Variants in EYS observed in about 807,000 individuals in gnomAD.
EYS encodes EGF-like photoreceptor maintenance factor.
A neutral mutation model predicts 282.1 loss-of-function variants in EYS; 250 were observed. That is an observed-to-expected ratio of 0.89 (90% CI 0.80 to 0.98). The LOEUF (loss-of-function observed/expected upper bound fraction) is 0.98, where lower values mean the gene tolerates loss of function less well. Ranked by LOEUF, EYS falls within the 50% of genes least tolerant of loss-of-function variation. The pLI, the probability that EYS is intolerant of heterozygous loss-of-function variation, is 0.00. For synonymous variants in EYS, 1,355 were observed against 1,282.9 expected (o/e 1.06, Z -1.20); for missense variants, 4,016 against 3,709.0 (o/e 1.08, Z -2.15).
intron 12 of EYS, among the ~76,000 whole-genome samples, chr6:65,276,037 T>C (rs1202813233): frequency 6.6e-6 from 1 of 151,828 alleles, no homozygotes; most frequent in Non-Finnish European, 1.5e-5. Context: ...TCATGGCAAA[T>C]GAAGTGATGC....
intron 12 of EYS, among the ~76,000 whole-genome samples, chr6:65,139,611 G>A (rs979838748): frequency 2.0e-5 from 3 of 151,900 alleles, no homozygotes; most frequent in Non-Finnish European, 2.9e-5. Context: ...ATACAGACCC[G>A]CTCCCACCCT....
chr6:65,236,187 G>C (rs556899948), intron 12 of EYS, among the ~76,000 whole-genome samples: 1 of 151,774 alleles, frequency 6.6e-6, no homozygotes, highest in African/African-American at 2.4e-5. Context: ...TAATATTACC[G>C]GAATTTCCAT....
At chr6:64,753,974 A>G (rs889952667) in intron 22 of EYS, among the ~76,000 whole-genome samples, 2 of 152,132 alleles carry the variant, frequency 1.3e-5, no homozygotes, top group South Asian at 4.1e-4. Context: ...TACAAATACA[A>G]GGAAATTAAA....
chr6:64,179,061 A>G (rs927125042), intron 31 of EYS, among the ~76,000 whole-genome samples: 3 of 152,078 alleles, frequency 2.0e-5, no homozygotes, highest in Non-Finnish European at 4.4e-5. Flanking sequence ...GGAACACTAT[A>G]TTGATTCATT....
intron 12 of EYS, among the ~76,000 whole-genome samples, chr6:65,091,744 G>A (rs1243459511): frequency 6.6e-6 from 1 of 152,054 alleles, no homozygotes; most frequent in Admixed American, 6.6e-5. Flanking sequence ...ACGACACAGC[G>A]GGTTTGGAGC....
chr6:65,120,795 T>C (rs999044991), intron 12 of EYS, among the ~76,000 whole-genome samples: 1 of 152,166 alleles, frequency 6.6e-6, no homozygotes, highest in African/African-American at 2.4e-5. Context: ...TCAATCCCAA[T>C]GATATAAACA....
At chr6:64,857,157 A>T (rs1766089255) in intron 19 of EYS, among the ~76,000 whole-genome samples, 1 of 152,156 alleles carries the variant, frequency 6.6e-6, no homozygotes, top group Non-Finnish European at 1.5e-5. Flanking sequence ...CAATACCATA[A>T]TAAAGTATAG....
chr6:63,868,947 C>G (rs1772734006), intron 35 of EYS, among the ~76,000 whole-genome samples: 2 of 152,172 alleles, frequency 1.3e-5, no homozygotes. Flanking sequence ...GTAAGGCACA[C>G]CACTACGTGT....
intron 19 of EYS, among the ~76,000 whole-genome samples, chr6:64,849,108 C>T (rs972312613): frequency 1.3e-5 from 2 of 151,818 alleles, no homozygotes; most frequent in African/African-American, 2.4e-5. Flanking sequence ...AATATATATA[C>T]AATTTGAATG....
At chr6:64,160,814 C>T (rs972268672) in intron 31 of EYS, among the ~76,000 whole-genome samples, 1 of 152,158 alleles carries the variant, frequency 6.6e-6, no homozygotes, top group African/African-American at 2.4e-5. Flanking sequence ...AAAGAATTCT[C>T]AGCAATGCAT....
intron 22 of EYS, among the ~76,000 whole-genome samples, chr6:64,771,952 T>C (rs1188829678): frequency 6.6e-6 from 1 of 151,788 alleles, no homozygotes; most frequent in East Asian, 1.9e-4. Flanking sequence ...GATTGTATTT[T>C]AAACATTTTT....
At chr6:64,690,304 T>C (rs1029065054) in intron 22 of EYS, among the ~76,000 whole-genome samples, 1 of 151,832 alleles carries the variant, frequency 6.6e-6, no homozygotes, top group Non-Finnish European at 1.5e-5. Context: ...GTTAGAATGG[T>C]GATCATTAAA....
chr6:65,069,744 G>A (rs1773852113), intron 12 of EYS, among the ~76,000 whole-genome samples: 1 of 151,578 alleles, frequency 6.6e-6, no homozygotes, highest in African/African-American at 2.4e-5. Context: ...TTAGATGATT[G>A]ACTCCAAGTT....
chr6:65,505,379 T>G (rs552649707), intron 2 of EYS, among the ~76,000 whole-genome samples: 4 of 152,030 alleles, frequency 2.6e-5, no homozygotes, highest in South Asian at 2.1e-4. Context: ...GTTTATTTTC[T>G]TTATTGTTTT....
intron 29 of EYS, among the ~76,000 whole-genome samples, chr6:64,365,659 T>C (rs757213412): frequency 6.6e-6 from 1 of 152,038 alleles, no homozygotes; most frequent in Non-Finnish European, 1.5e-5. Flanking sequence ...TATTGAACCT[T>C]AAACAGTATA....
intron 31 of EYS, among the ~76,000 whole-genome samples, chr6:64,146,623 A>T (rs554554364): frequency 1.3e-5 from 2 of 152,294 alleles, no homozygotes; most frequent in African/African-American, 2.4e-5. Flanking sequence ...TGAAAAGTGT[A>T]GGACATGCTT....
chr6:65,316,083 A>C (rs1293612632), intron 11 of EYS, among the ~76,000 whole-genome samples: 2 of 152,244 alleles, frequency 1.3e-5, no homozygotes, highest in South Asian at 4.1e-4. Flanking sequence ...TTTCTATTGC[A>C]TTATTTATCT....
chr6:65,039,524 A>C (rs1340116567), intron 13 of EYS, among the ~76,000 whole-genome samples: 1 of 151,534 alleles, frequency 6.6e-6, no homozygotes, highest in Non-Finnish European at 1.5e-5. Context: ...AACTACTTGC[A>C]TTAGAAGAGG....
At chr6:65,606,052 C>T (rs1044261684) in intron 2 of EYS, among the ~76,000 whole-genome samples, 2 of 151,428 alleles carry the variant, frequency 1.3e-5, no homozygotes, top group Non-Finnish European at 3.0e-5. Context: ...TCTTAAAGTA[C>T]TGAGTTCTTA....
Sources: gnomAD v4.1 joint callset for allele counts (sites outside exome capture counted in the v4.1 genomes callset) on GRCh38, gnomAD v4.1.1 for gene constraint, MANE v1.5 for transcripts, NCBI Gene and HGNC (gene_info 2026-07-23, HGNC 2026-07-21) for gene names.